SPATA13: variants seen among roughly 807,000 people sequenced by gnomAD.
SPATA13 encodes spermatogenesis-associated protein 13.
A neutral mutation model predicts 104.0 loss-of-function variants in SPATA13; 50 were observed. The ratio of observed to expected loss-of-function variants is 0.48; its 90% CI spans 0.38 to 0.61. The LOEUF is 0.61. SPATA13 is among the 20% of genes least tolerant of loss of function. The pLI is 0.00. For missense variants in SPATA13, 1,524 were observed against 1,690.6 expected (o/e 0.90, Z 1.73); for synonymous variants, 606 against 667.5 (o/e 0.91, Z 1.42).
intron 2 of SPATA13, among the ~76,000 whole-genome samples, chr13:24,000,714 G>T (rs1353159006): frequency 4.6e-5 from 7 of 152,060 alleles, no homozygotes; most frequent in Admixed American, 3.3e-4. Context: ...TGGGTTAGAG[G>T]TGTGAATTTG....
intron 3 of SPATA13, among the ~76,000 whole-genome samples, chr13:24,125,560 T>A (rs2137829185): frequency 6.6e-6 from 1 of 152,156 alleles, no homozygotes; most frequent in East Asian, 1.9e-4. Context: ...ACCAACCAAG[T>A]GGTTTAAGGA....
chr13:24,286,690 T>C lies in SPATA13; in HGVS notation c.2482-75T>C. ...AACAGGTCACAGGAAAGTAGGAACC[T>C]GGGAGGTCTCCTGCCTCTGCTCCAT... On this transcript the variant is annotated intron_variant, in intron 6 of 12. Coordinates refer to ENST00000382108, the MANE Select transcript of SPATA13 (RefSeq NM_001166271.3). The surrounding 1 kb of genome is among the most constrained non-coding windows in gnomAD (Gnocchi z 4.9). 1 of 1,404,664 alleles carries C rather than the reference T, an allele frequency of 7.1e-7. No individual in the cohort carries two copies. The highest frequency in any genetic ancestry group is 9.7e-7 in the Non-Finnish European group (1 of 1,025,694). 87.0% of individuals were successfully genotyped at this position (1,404,664 alleles called of 1,614,324 possible).
chr13:24,210,293 A>G (rs1336251840), intron 1 of SPATA13, among the ~76,000 whole-genome samples: 2 of 151,906 alleles, frequency 1.3e-5, no homozygotes, highest in African/African-American at 2.4e-5. Flanking sequence ...TCTCGTGTCT[A>G]TTTTTGCTTT....
intron 8 of SPATA13, 79 bp downstream of exon 8, chr13:24,289,257 TC>T (rs1876168146): frequency 8.3e-7 from 1 of 1,203,464 alleles, no homozygotes; most frequent in Non-Finnish European, 1.2e-6. Flanking sequence ...AACAGGAGTC[TC>T]TTTTGTTTTA....
At chr13:24,272,633 G>C (rs1315819908) in intron 4 of SPATA13, 1 of 152,216 alleles carries the variant, frequency 6.6e-6, no homozygotes, top group East Asian at 1.9e-4. Flanking sequence ...TGGGTTGTCT[G>C]CCATCTTATG....
At chr13:24,167,321 C>T (rs1319330799) in intron 1 of SPATA13, among the ~76,000 whole-genome samples, 1 of 152,154 alleles carries the variant, frequency 6.6e-6, no homozygotes, top group East Asian at 1.9e-4. Flanking sequence ...TGAACATGTG[C>T]CAGTTTGGAC....
At chr13:24,041,247 C>A (rs968174382) in intron 3 of SPATA13, among the ~76,000 whole-genome samples, 1 of 152,196 alleles carries the variant, frequency 6.6e-6, no homozygotes, top group African/African-American at 2.4e-5. Flanking sequence ...TGAAGAATCT[C>A]CTGGCAATTT....
Position 23,987,717 on chromosome 13 carries a change from C to T in SPATA13, c.-147+3784C>T, listed in dbSNP as rs1875219496. ...ATTCACATTATTGTGCAACCTTCAC[C>T]TCCATCCATCTGCAGAACTCTTTTT... On this transcript the variant is annotated intron_variant, in intron 2 of 14. Coordinates refer to the SPATA13 transcript ENST00000424834. 2.6e-5 allele frequency among the ~76,000 whole-genome samples: 4 copies of T among 152,124 alleles called. No individual in the cohort carries two copies. The South Asian group carries it at 8.3e-4, about 31-fold the overall frequency.
Position 24,286,878 on chromosome 13 carries a change from G to T in SPATA13, c.2595G>T (p.Met865Ile). 6.2e-7 allele frequency: 1 copy of T among 1,613,926 alleles called. No individual in the cohort carries two copies. The highest frequency in any genetic ancestry group is 1.3e-5 in the African/African-American group (1 of 75,016). ...GACACTGTGAGAACAAGCAGCAGAT[G>T]CGGACCAACGTCATCCGGGAGATCA... Reference protein sequence around the residue: ...RHRHCENKQQMRTNVIREIMD... With the variant: ...RHRHCENKQQIRTNVIREIMD... Residue 865 changes from methionine to isoleucine, a missense_variant, in exon 7 of 13, where the codon ATG (methionine) becomes ATT (isoleucine). Met to Ile is a conservative substitution (Grantham distance 10). Coordinates refer to ENST00000382108, the MANE Select transcript of SPATA13 (RefSeq NM_001166271.3). The surrounding 1 kb of genome is among the most constrained non-coding windows in gnomAD (Gnocchi z 4.9).
chr13:24,171,501 G>A (rs1882966033), intron 1 of SPATA13, among the ~76,000 whole-genome samples: 1 of 152,212 alleles, frequency 6.6e-6, no homozygotes, highest in Non-Finnish European at 1.5e-5. Flanking sequence ...AGATGACAGT[G>A]GGAGTGCCAC....
At chr13:24,175,849 C>T (rs921298404) in intron 1 of SPATA13, among the ~76,000 whole-genome samples, 25 of 152,274 alleles carry the variant, frequency 1.6e-4, no homozygotes, top group Non-Finnish European at 2.4e-4. Context: ...CCAGTGGCTT[C>T]TATGCAGAGC....
At chr13:24,181,415 T>C (rs114317750) in intron 1 of SPATA13, among the ~76,000 whole-genome samples, 1,883 of 151,940 alleles carry the variant, frequency 0.012, 38 homozygotes, top group African/African-American at 0.044. Flanking sequence ...AACACAAATA[T>C]ATTATACAGC....
intron 2 of SPATA13, among the ~76,000 whole-genome samples, chr13:23,989,843 A>G (rs1056809864): frequency 1.1e-4 from 17 of 152,198 alleles, no homozygotes; most frequent in Non-Finnish European, 1.2e-4. Context: ...CTCAGAAAAG[A>G]GGCCCCAGAG....
intron 1 of SPATA13, among the ~76,000 whole-genome samples, chr13:24,182,494 CAGAGAG>C (rs60047720): frequency 6.7e-6 from 1 of 148,910 alleles, no homozygotes; most frequent in South Asian, 2.1e-4. Flanking sequence ...GAGAGAGAGA[CAGAGAG>C]AGAGAGAGAG....
chr13:24,110,504 A>T (rs1382267604), intron 3 of SPATA13, among the ~76,000 whole-genome samples: 1 of 152,204 alleles, frequency 6.6e-6, no homozygotes, highest in Non-Finnish European at 1.5e-5. Flanking sequence ...GAATTGCTTC[A>T]CTTGAATCTG....
intron 3 of SPATA13, among the ~76,000 whole-genome samples, chr13:24,152,099 T>C (rs1882114985): frequency 6.6e-6 from 1 of 152,172 alleles, no homozygotes; most frequent in Admixed American, 6.5e-5. Flanking sequence ...TGTAACAAAA[T>C]ACCTTAGACT....
chr13:24,117,245 T>C (rs1247909707), intron 3 of SPATA13, among the ~76,000 whole-genome samples: 1 of 152,246 alleles, frequency 6.6e-6, no homozygotes, highest in Non-Finnish European at 1.5e-5. Context: ...TATGTAGATA[T>C]AGAACATAGT....
intron 1 of SPATA13, among the ~76,000 whole-genome samples, chr13:24,200,451 G>A (rs7992761): frequency 5.9e-5 from 9 of 151,810 alleles, no homozygotes; most frequent in Admixed American, 2.6e-4. Context: ...TATGCACTGC[G>A]CAACCTGAAA....
intron 1 of SPATA13, among the ~76,000 whole-genome samples, chr13:23,980,251 C>A (rs1021668701): frequency 2.0e-5 from 3 of 152,120 alleles, no homozygotes; most frequent in Non-Finnish European, 4.4e-5. Context: ...CGCATAGGGG[C>A]GCCGGGGCAG....
Sources: allele counts gnomAD v4.1 joint callset (sites outside exome capture counted in the v4.1 genomes callset), GRCh38; gene constraint gnomAD v4.1.1; non-coding constraint Gnocchi (gnomAD v3.1); transcripts MANE v1.5; gene names NCBI Gene and HGNC (gene_info 2026-07-23, HGNC 2026-07-21).